The following C12orf56 variants were observed in gnomAD, a reference collection of about 807,000 sequenced individuals.
C12orf56 encodes the protein uncharacterized protein C12orf56.
C12orf56 carries 71 observed loss-of-function variants against 69.9 expected under a neutral mutation model. That is an observed-to-expected ratio of 1.02 (90% CI 0.84 to 1.24). The LOEUF is 1.24. C12orf56 is among the 50% of genes most tolerant of loss of function. The probability of loss-of-function intolerance (pLI) is 0.00; values close to 1 mark genes in which losing one functional copy is unlikely to be tolerated. For synonymous variants in C12orf56, 276 were observed against 274.1 expected (o/e 1.01, Z -0.07); for missense variants, 732 against 738.5 (o/e 0.99, Z 0.10).
At chr12:64,337,565 A>G (rs1313294011) in intron 2 of C12orf56, among the ~76,000 whole-genome samples, 1 of 152,180 alleles carries the variant, frequency 6.6e-6, no homozygotes, top group African/African-American at 2.4e-5. Context: ...CTACCTTAAA[A>G]CGGGACATAG....
intron 4 of C12orf56, among the ~76,000 whole-genome samples, chr12:64,314,880 C>T (rs2038670125): frequency 6.6e-6 from 1 of 150,512 alleles, no homozygotes; most frequent in African/African-American, 2.4e-5. Flanking sequence ...CCTGATCCGC[C>T]CGCCTCGGCC....
At chr12:64,334,303 T>C (rs1565761348) in intron 2 of C12orf56, among the ~76,000 whole-genome samples, 1 of 152,192 alleles carries the variant, frequency 6.6e-6, no homozygotes, top group Non-Finnish European at 1.5e-5. Context: ...CCCCACATCA[T>C]TGGTTTTAGA....
At chr12:64,267,999 T>G (rs573525342) in intron 12 of C12orf56, among the ~76,000 whole-genome samples, 11 of 152,344 alleles carry the variant, frequency 7.2e-5, no homozygotes, top group Admixed American at 2.0e-4. Flanking sequence ...ATCCCTAATA[T>G]GAACATGTAA....
chr12:64,273,460 A>T (rs932805746), intron 11 of C12orf56, among the ~76,000 whole-genome samples: 1 of 152,218 alleles, frequency 6.6e-6, no homozygotes, highest in African/African-American at 2.4e-5. Context: ...CCTCTACTAC[A>T]ATTAATTCAG....
chr12:64,378,888 T>A, intron 1 of C12orf56, among the ~76,000 whole-genome samples: 1 of 151,782 alleles, frequency 6.6e-6, no homozygotes, highest in East Asian at 2.0e-4. Context: ...CCGTCTCAGT[T>A]AAAAATACAA....
chr12:64,358,193 C>T (rs1001009724), intron 1 of C12orf56, among the ~76,000 whole-genome samples: 3 of 151,994 alleles, frequency 2.0e-5, no homozygotes, highest in African/African-American at 7.2e-5. Flanking sequence ...GGCGCAGTGG[C>T]TCATACCTAT....
chr12:64,329,468 G>A lies in C12orf56; in HGVS notation c.488+1492C>T, dbSNP rs890955907. Among the ~76,000 whole-genome samples, 9 of 151,258 alleles carry A rather than the reference G, an allele frequency of 6.0e-5. 2 individuals are homozygous for A. The highest frequency in any genetic ancestry group is 4.0e-4 in the Admixed American group (6 of 15,164). ...ACTTCAATCCATTTTAAGCACAATC[G>A]TCGGATTATTTTTCTGTAGTAATGG... On this transcript the variant is annotated intron_variant, in intron 3 of 12. Coordinates refer to ENST00000543942, the MANE Select transcript of C12orf56 (RefSeq NM_001170633.2).
intron 1 of C12orf56, among the ~76,000 whole-genome samples, chr12:64,368,604 G>C (rs2039529246): frequency 6.6e-6 from 1 of 152,064 alleles, no homozygotes; most frequent in Non-Finnish European, 1.5e-5. Flanking sequence ...AAGCCTTCAG[G>C]CAGACAGCAA....
intron 8 of C12orf56, among the ~76,000 whole-genome samples, chr12:64,282,776 A>G (rs1304967299): frequency 6.6e-6 from 1 of 151,864 alleles, no homozygotes; most frequent in Non-Finnish European, 1.5e-5. Flanking sequence ...TAAAAAAAAA[A>G]AAAGAAAAGA....
chr12:64,354,194 G>A (rs2039274816), intron 1 of C12orf56, among the ~76,000 whole-genome samples: 1 of 152,186 alleles, frequency 6.6e-6, no homozygotes. Context: ...AAGGGAAAAG[G>A]TCTCAATAAA....
intron 2 of C12orf56, among the ~76,000 whole-genome samples, chr12:64,339,479 C>T (rs1305458098): frequency 6.6e-6 from 1 of 152,174 alleles, no homozygotes; most frequent in Non-Finnish European, 1.5e-5. Context: ...TCCTGGTGCA[C>T]CACTGTCCCA....
intron 8 of C12orf56, among the ~76,000 whole-genome samples, chr12:64,283,347 AAAAAT>A (rs1458587340): frequency 1.3e-5 from 2 of 152,164 alleles, no homozygotes; most frequent in East Asian, 1.9e-4. Flanking sequence ...TCTGTATCAA[AAAAAT>A]AAAATAAAAT....
chr12:64,352,113 T>G (rs866307883), intron 2 of C12orf56, among the ~76,000 whole-genome samples: 78 of 75,078 alleles, frequency 1.0e-3, no homozygotes, highest in African/African-American at 1.9e-3. Flanking sequence ...TTTTTTTTTT[T>G]TTGTTTTTTT....
chr12:64,344,280 G>A (rs1023542760), intron 2 of C12orf56, among the ~76,000 whole-genome samples: 26 of 152,300 alleles, frequency 1.7e-4, no homozygotes, highest in Non-Finnish European at 2.2e-4. Context: ...TCATTCAAGG[G>A]GTTCTGGGTC....
At chr12:64,344,766 T>C (rs1414160860) in intron 2 of C12orf56, among the ~76,000 whole-genome samples, 1 of 152,166 alleles carries the variant, frequency 6.6e-6, no homozygotes, top group South Asian at 2.1e-4. Context: ...CCAGCTGGGA[T>C]GAGTAGCTCT....
chr12:64,342,975 C>T (rs1293809572), intron 2 of C12orf56, among the ~76,000 whole-genome samples: 1 of 152,198 alleles, frequency 6.6e-6, no homozygotes, highest in Admixed American at 6.5e-5. Flanking sequence ...GGACCTGTTG[C>T]AGAGCCTTCT....
chr12:64,389,190 A>G (rs879298257), intron 1 of C12orf56: 1 of 152,244 alleles, frequency 6.6e-6, no homozygotes, highest in Non-Finnish European at 1.5e-5. Flanking sequence ...AGCTCAGACA[A>G]AGGGAGCCAG....
chr12:64,281,943 G>T lies in C12orf56; in HGVS notation c.1310+2721C>A, dbSNP rs537529479. On this transcript the variant is annotated intron_variant, in intron 8 of 12. Transcript: ENST00000543942. ...ACAGAAAGGTAGAGACCAAAAGGTG[G>T]AGAAAAAGGATAACCAGATTTAGTG... is the stretch of plus-strand genomic sequence containing the variant. Among the ~76,000 whole-genome samples the T allele has an allele frequency of 3.3e-5, 5 of 152,244 alleles. No homozygotes were observed. In the South Asian group the frequency reaches 1.0e-3, roughly 32 times the overall value.
intron 3 of C12orf56, among the ~76,000 whole-genome samples, chr12:64,325,655 C>G (rs1008013739): frequency 6.6e-6 from 1 of 152,062 alleles, no homozygotes; most frequent in East Asian, 1.9e-4. Context: ...GATGAGTTGG[C>G]CTGAAACAGC....
Sources: gnomAD v4.1 joint callset for allele counts (sites outside exome capture counted in the v4.1 genomes callset) on GRCh38, gnomAD v4.1.1 for gene constraint, MANE v1.5 for transcripts, NCBI Gene and HGNC (gene_info 2026-07-23, HGNC 2026-07-21) for gene names.